The following SLAIN1 variants were observed in gnomAD, a reference collection of about 807,000 sequenced individuals.
SLAIN1 encodes SLAIN motif-containing protein 1.
In SLAIN1, 17 loss-of-function variants were observed where a neutral mutation model predicts 55.4. The observed-to-expected ratio is 0.31, with a 90% CI of 0.21 to 0.46. The LOEUF (loss-of-function observed/expected upper bound fraction) is 0.46, where lower values mean the gene tolerates loss of function less well. Among genes scored for constraint, SLAIN1 ranks in the 20% least tolerant of loss-of-function variants. The probability of loss-of-function intolerance (pLI) is 1.00; values close to 1 mark genes in which losing one functional copy is unlikely to be tolerated. For synonymous variants in SLAIN1, 348 were observed against 337.4 expected, an observed-to-expected ratio of 1.03 and a Z score of -0.35; for missense variants, 682 against 785.1, an observed-to-expected ratio of 0.87 and a Z score of 1.57.
chr13:77,714,159 C>T (rs898949983), intron 1 of SLAIN1, among the ~76,000 whole-genome samples: 3 of 150,710 alleles, frequency 2.0e-5, no homozygotes, highest in Non-Finnish European at 4.4e-5. Context: ...TATCCCAGAA[C>T]TTAAAGTATA....
chr13:77,699,187 C>A, intron 1 of SLAIN1: 1 of 773,318 alleles, frequency 1.3e-6, no homozygotes, highest in Non-Finnish European at 2.0e-6. Flanking sequence ...ATAAATAGTG[C>A]CAATAAAGAG....
At chr13:77,701,731 ATTCT>A (rs146961423) in intron 1 of SLAIN1, among the ~76,000 whole-genome samples, 15,761 of 150,270 alleles carry the variant, frequency 0.1, 866 homozygotes, top group East Asian at 0.13. Flanking sequence ...CAGAACCTGA[ATTCT>A]TTCTTTCTTT....
At chr13:77,720,027 A>T (rs557010907) in intron 2 of SLAIN1, among the ~76,000 whole-genome samples, 1 of 152,176 alleles carries the variant, frequency 6.6e-6, no homozygotes, top group African/African-American at 2.4e-5. Flanking sequence ...AAGGCAGAAA[A>T]CAGGATTTCA....
At chr13:77,735,176 C>G (rs943951962) in intron 2 of SLAIN1, among the ~76,000 whole-genome samples, 1 of 152,080 alleles carries the variant, frequency 6.6e-6, no homozygotes, top group African/African-American at 2.4e-5. Flanking sequence ...TTTATTTCTT[C>G]CTACAAACAT....
intron 4 of SLAIN1, 32 bp downstream of exon 4, chr13:77,746,887 G>C (rs1427718670): frequency 6.5e-7 from 1 of 1,532,130 alleles, no homozygotes; most frequent in Non-Finnish European, 8.9e-7. Flanking sequence ...TATTTGATAT[G>C]CTTTAATTTT....
chr13:77,741,978 T>G (rs1873474253), intron 2 of SLAIN1, among the ~76,000 whole-genome samples: 1 of 152,116 alleles, frequency 6.6e-6, no homozygotes, highest in African/African-American at 2.4e-5. Context: ...AGTACATGTC[T>G]AAATGATTAC....
chr13:77,746,874 T>G lies in SLAIN1; in HGVS notation c.1258+19T>G. On this transcript the variant is annotated intron_variant, in intron 4 of 6. Coordinates refer to ENST00000418532, the MANE Select transcript of SLAIN1 (RefSeq NM_001242868.2). The stretch of plus-strand genomic sequence containing the variant: ...AATGGAGGTAGGTTGTATGCTTTTT[T>G]GGTATTTGATATGCTTTAATTTTTT... The G allele has an allele frequency of 6.4e-7, 1 of 1,573,782 alleles. No individual in the cohort carries two copies. The highest frequency in any genetic ancestry group is 8.6e-7 in the Non-Finnish European group (1 of 1,156,424).
chr13:77,761,137 A>G, intron 6 of SLAIN1, 27 bp downstream of exon 6: 1 of 1,609,042 alleles, frequency 6.2e-7, no homozygotes. Flanking sequence ...GCGTAACTTC[A>G]TTTGCAGTTT....
chr13:77,737,091 A>G (rs1004690407), intron 2 of SLAIN1, among the ~76,000 whole-genome samples: 1 of 122,306 alleles, frequency 8.2e-6, no homozygotes, highest in African/African-American at 2.5e-5. Context: ...GAGTTCAACT[A>G]ATTTTTTTTT....
chr13:77,720,884 G>A (rs1038400867), intron 2 of SLAIN1, among the ~76,000 whole-genome samples: 1 of 152,158 alleles, frequency 6.6e-6, no homozygotes, highest in East Asian at 1.9e-4. Flanking sequence ...AAATGAAACA[G>A]GTGACTTAAT....
At chr13:77,739,412 G>T (rs376645718) in intron 2 of SLAIN1, among the ~76,000 whole-genome samples, 144 of 152,122 alleles carry the variant, frequency 9.5e-4, no homozygotes, top group African/African-American at 3.4e-3. Flanking sequence ...CTTATATTAG[G>T]TACTGAAATG....
At chr13:77,759,525 CA>C (rs1161556773) in intron 5 of SLAIN1, among the ~76,000 whole-genome samples, 19 of 152,054 alleles carry the variant, frequency 1.2e-4, no homozygotes, top group Admixed American at 1.2e-3. Flanking sequence ...TTCCATTTCT[CA>C]GGGGGAATGC....
chr13:77,708,466 C>T (rs1294984335), intron 1 of SLAIN1, among the ~76,000 whole-genome samples: 1 of 152,168 alleles, frequency 6.6e-6, no homozygotes, highest in Admixed American at 6.5e-5. Flanking sequence ...CAGACAGAAA[C>T]ATGAATTCTC....
At chr13:77,733,285 A>G (rs1872961085) in intron 2 of SLAIN1, among the ~76,000 whole-genome samples, 1 of 152,164 alleles carries the variant, frequency 6.6e-6, no homozygotes, top group Non-Finnish European at 1.5e-5. Flanking sequence ...CCTAATATCA[A>G]AAGTGATTTT....
intron 2 of SLAIN1, among the ~76,000 whole-genome samples, chr13:77,737,092 AT>A (rs34604920): frequency 6.7e-5 from 10 of 150,306 alleles, no homozygotes; most frequent in Middle Eastern, 3.2e-3. Context: ...AGTTCAACTA[AT>A]TTTTTTTTTA....
At chr13:77,720,358 T>C (rs2091249888) in intron 2 of SLAIN1, among the ~76,000 whole-genome samples, 1 of 152,064 alleles carries the variant, frequency 6.6e-6, no homozygotes. Context: ...ACCACCTGCA[T>C]CCAAATCATA....
Position 77,698,374 on chromosome 13 carries a change from C to G in SLAIN1, c.461C>G (p.Ala154Gly). The change falls in exon 1 of 7, where the codon GCA (alanine) becomes GGA (glycine). Residue 154 changes from alanine (A) to glycine (G), a missense_variant. Ala to Gly is a moderately conservative substitution (Grantham distance 60). This residue lies in a region of SLAIN1 where 401 missense variants were observed against 417.3 expected (regional missense o/e 0.96). Transcript: ENST00000418532. This position sits in a 1 kb window ranked among gnomAD's most constrained non-coding sequence, Gnocchi z 4.1. ...EAPFVYFKPA[A>G]GFFGAGGGGP... ...CCCTTCGTCTACTTCAAGCCGGCAG[C>G]AGGCTTCTTCGGCGCGGGCGGTGGC... 1 of 1,427,946 alleles carries G rather than the reference C, an allele frequency of 7.0e-7. No individual in the cohort carries two copies. The highest frequency in any genetic ancestry group is 9.2e-7 in the Non-Finnish European group (1 of 1,091,098). The allele number at this position is 1,427,946 out of a possible 1,614,324, so 88.5% of individuals were successfully genotyped here.
At chr13:77,712,283 C>G (rs937871262) in intron 1 of SLAIN1, among the ~76,000 whole-genome samples, 1 of 152,190 alleles carries the variant, frequency 6.6e-6, no homozygotes, top group Non-Finnish European at 1.5e-5. Flanking sequence ...CAAATTGTCT[C>G]TGTTTGCAGA....
At chr13:77,731,241 A>G (rs1872846832) in intron 2 of SLAIN1, among the ~76,000 whole-genome samples, 1 of 152,168 alleles carries the variant, frequency 6.6e-6, no homozygotes, top group Admixed American at 6.6e-5. Context: ...CCTTCATTTG[A>G]ACATTATTGG....
Sources: gnomAD v4.1 joint callset for allele counts (sites outside exome capture counted in the v4.1 genomes callset) on GRCh38, gnomAD v4.1.1 for gene constraint, gnomAD v4.1.1 regional missense constraint, Gnocchi (gnomAD v3.1) non-coding constraint, MANE v1.5 for transcripts, NCBI Gene and HGNC (gene_info 2026-07-23, HGNC 2026-07-21) for gene names.